ANKFN1: variants seen among roughly 807,000 people sequenced by gnomAD.
The protein encoded by ANKFN1 is ankyrin repeat and fibronectin type-III domain-containing protein 1.
ANKFN1 carries 74 observed loss-of-function variants against 108.7 expected under a neutral mutation model. That is an observed-to-expected ratio of 0.68 (90% CI 0.56 to 0.83). The LOEUF (loss-of-function observed/expected upper bound fraction) is 0.83, where lower values mean the gene tolerates loss of function less well. ANKFN1 is among the 40% of genes least tolerant of loss of function. ANKFN1 has a pLI of 0.00. For missense variants in ANKFN1, 1,505 were observed against 1,382.3 expected (o/e 1.09, Z -1.41); for synonymous variants, 547 against 516.2 (o/e 1.06, Z -0.81).
intron 6 of ANKFN1, among the ~76,000 whole-genome samples, chr17:56,359,329 T>C (rs1386096859): frequency 6.6e-6 from 1 of 152,222 alleles, no homozygotes; most frequent in African/African-American, 2.4e-5. Flanking sequence ...TTAATAATGC[T>C]GTTATTGTTT....
chr17:56,378,061 G>T (rs2046990333), intron 8 of ANKFN1, among the ~76,000 whole-genome samples: 1 of 152,148 alleles, frequency 6.6e-6, no homozygotes, highest in South Asian at 2.1e-4. Context: ...TTGTTTAACT[G>T]CTCGTCATTT....
intron 8 of ANKFN1, among the ~76,000 whole-genome samples, chr17:56,399,843 TTATATA>T (rs71139904): frequency 0.1 from 6,536 of 64,744 alleles, 203 homozygotes; most frequent in Non-Finnish European, 0.12. Flanking sequence ...ATTCCATTTT[TTATATA>T]TATATATATA....
rs902505903 is a variant in ANKFN1 at position 56,404,731 on chromosome 17, G to A, written c.910+30017G>A. On this transcript the variant is annotated intron_variant, in intron 8 of 20. Transcript: ENST00000682825. ...GTGTGATTTTGGGGGGTATGGAAGA[G>A]CCTTGTTTTGTCATATTACTAGGGT... Among the ~76,000 whole-genome samples, 5 of 152,268 alleles carry A rather than the reference G, an allele frequency of 3.3e-5. No individual in the cohort carries two copies. The East Asian group carries it at 7.7e-4, about 24-fold the overall frequency.
chr17:56,453,118 A>G (rs1428385517), intron 11 of ANKFN1, among the ~76,000 whole-genome samples: 1 of 151,996 alleles, frequency 6.6e-6, no homozygotes, highest in East Asian at 1.9e-4. Flanking sequence ...TATTTTCCCC[A>G]TATCTCTAAG....
At chr17:56,275,004 T>G (rs532166510) in intron 3 of ANKFN1, among the ~76,000 whole-genome samples, 1 of 152,320 alleles carries the variant, frequency 6.6e-6, no homozygotes, top group South Asian at 2.1e-4. Flanking sequence ...AAGAATTAAG[T>G]GAGCTAATGC....
chr17:56,152,779 T>G (rs1051392393), upstream of ANKFN1, among the ~76,000 whole-genome samples: 2 of 152,174 alleles, frequency 1.3e-5, no homozygotes, highest in Non-Finnish European at 2.9e-5. Flanking sequence ...ACAAATGGGT[T>G]TTCAAAATAA....
chr17:56,390,445 CAT>C (rs1321200348), intron 8 of ANKFN1, among the ~76,000 whole-genome samples: 1 of 152,134 alleles, frequency 6.6e-6, no homozygotes, highest in East Asian at 1.9e-4. Context: ...TCCATTCTAT[CAT>C]TGATGGGCAT....
chr17:56,433,903 A>G (rs2048845200), intron 8 of ANKFN1, among the ~76,000 whole-genome samples: 1 of 152,012 alleles, frequency 6.6e-6, no homozygotes, highest in Non-Finnish European at 1.5e-5. Flanking sequence ...TCACTTTTTT[A>G]AGTCTCAGCC....
chr17:56,138,165 G>A (rs2143379663), intron 4 of ANKFN1, among the ~76,000 whole-genome samples: 1 of 152,280 alleles, frequency 6.6e-6, no homozygotes, highest in African/African-American at 2.4e-5. Context: ...AATACTGAGA[G>A]TTAACACTAT....
At chr17:56,348,067 C>T (rs1289940939) in intron 4 of ANKFN1, among the ~76,000 whole-genome samples, 1 of 151,868 alleles carries the variant, frequency 6.6e-6, no homozygotes, top group Non-Finnish European at 1.5e-5. Context: ...AAGGCAATCC[C>T]CATGTGAGCC....
At chr17:56,220,925 A>T (rs1915850204) in intron 2 of ANKFN1, among the ~76,000 whole-genome samples, 1 of 150,450 alleles carries the variant, frequency 6.6e-6, no homozygotes, top group African/African-American at 2.5e-5. Context: ...GGAGGGAGGA[A>T]CGAACGAACG....
intron 4 of ANKFN1, among the ~76,000 whole-genome samples, chr17:56,059,529 T>C (rs1393199318): frequency 1.3e-5 from 2 of 152,198 alleles, no homozygotes; most frequent in Non-Finnish European, 2.9e-5. Context: ...CTGAATGGTA[T>C]TGCCTAGGTT....
intron 4 of ANKFN1, among the ~76,000 whole-genome samples, chr17:56,094,519 CGCCAGGCTGCCAGGCT>C (rs60704704): frequency 0.035 from 3,935 of 113,520 alleles, 142 homozygotes; most frequent in Middle Eastern, 0.058. Flanking sequence ...CTTGTTTTGT[CGCCAGGCTGCCAGGCT>C]GCCAGGCTGC....
intron 20 of ANKFN1, among the ~76,000 whole-genome samples, chr17:56,500,632 G>A (rs1038110660): frequency 6.6e-6 from 1 of 152,190 alleles, no homozygotes; most frequent in Non-Finnish European, 1.5e-5. Context: ...ATAAGCAGGA[G>A]TTGAGCAGAA....
chr17:56,288,769 C>A lies in ANKFN1; in HGVS notation c.54-37452C>A, dbSNP rs191200516. 1.4e-3 allele frequency among the ~76,000 whole-genome samples: 219 copies of A among 152,224 alleles called. 1 individual carries two copies. Among genetic ancestry groups the A allele is most frequent in the African/African-American group, 5.1e-3 (212 of 41,562 alleles). ...CCCCAAAAAGGTCCGGTGTGCCTCC[C>A]CTCTACCACACCATGGTTTATGAAG... On this transcript the variant is annotated intron_variant, in intron 3 of 20. Coordinates refer to ENST00000682825, the MANE Select transcript of ANKFN1 (RefSeq NM_001370326.1).
At chr17:56,304,854 T>TA (rs1163323615) in intron 3 of ANKFN1, among the ~76,000 whole-genome samples, 1 of 152,192 alleles carries the variant, frequency 6.6e-6, no homozygotes, top group East Asian at 1.9e-4. Context: ...TTCAGTGAAA[T>TA]ATCTCTTCAT....
intron 1 of ANKFN1, among the ~76,000 whole-genome samples, chr17:56,184,227 G>A (rs963910822): frequency 6.6e-6 from 1 of 152,096 alleles, no homozygotes; most frequent in Non-Finnish European, 1.5e-5. Context: ...GAACTTCATT[G>A]TTGTCTTATT....
Position 56,428,352 on chromosome 17 carries a change from C to T in ANKFN1, c.911-11975C>T, listed in dbSNP as rs145119301. Among the ~76,000 whole-genome samples, 28 of 128,584 alleles carry T rather than the reference C, an allele frequency of 2.2e-4. 1 individual carries two copies. The East Asian group carries it at 8.1e-3, about 37-fold the overall frequency. The allele number at this position is 128,584 out of a possible 152,430, so 84.4% of individuals were successfully genotyped here. ...TACTGTTAGCTCCAATAAACCATTGCAGTTTTGATTGTTTCAGGATTTATT... is the reference window on the plus strand; with the variant it reads ...TACTGTTAGCTCCAATAAACCATTGTAGTTTTGATTGTTTCAGGATTTATT... On this transcript the variant is annotated intron_variant, in intron 8 of 20. Transcript: ENST00000682825.
rs2051727593 is a variant in ANKFN1, at chr17:56,510,794, G to A, written c.2966G>A (p.Gly989Asp). 9 of 1,536,166 alleles carry A rather than the reference G, an allele frequency of 5.9e-6. No individual in the cohort carries two copies. Among genetic ancestry groups the A allele is most frequent in the Non-Finnish European group, 7.8e-6 (9 of 1,146,902 alleles). ...TPKNHAKTVS[G>D]GRPPLGFLGK... is the part of the protein sequence containing the mutation. ...AAGAACCACGCCAAGACTGTGTCCG[G>A]TGGGCGGCCCCCGCTAGGCTTCCTG... Residue 989 changes from glycine to aspartate, a missense_variant, in exon 21 of 21, where the codon GGT (glycine) becomes GAT (aspartate). Gly to Asp is a moderately conservative substitution (Grantham distance 94). Transcript: ENST00000682825.
Sources: gnomAD v4.1 joint callset for allele counts (sites outside exome capture counted in the v4.1 genomes callset) on GRCh38, gnomAD v4.1.1 for gene constraint, MANE v1.5 for transcripts, NCBI Gene and HGNC (gene_info 2026-07-23, HGNC 2026-07-21) for gene names.